HIPK1: variants seen among roughly 807,000 people sequenced by gnomAD.
The protein encoded by HIPK1 is homeodomain-interacting protein kinase 1.
HIPK1 carries 28 observed loss-of-function variants against 117.1 expected under a neutral mutation model. That is an observed-to-expected ratio of 0.24 (90% CI 0.18 to 0.33). The LOEUF (loss-of-function observed/expected upper bound fraction) is 0.33. Among genes scored for constraint, HIPK1 ranks in the 10% least tolerant of loss-of-function variants. HIPK1 has a pLI of 1.00. For missense variants in HIPK1, 1,122 were observed against 1,475.1 expected, an observed-to-expected ratio of 0.76 and a Z score of 3.92; for synonymous variants, 605 against 562.5, an observed-to-expected ratio of 1.08 and a Z score of -1.07.
chr1:113,941,962 C>T lies in HIPK1; in HGVS notation c.1076+503C>T, dbSNP rs566387220. On this transcript the variant is annotated intron_variant, in intron 2 of 15. Coordinates refer to ENST00000426820, the MANE Select transcript of HIPK1 (RefSeq NM_198268.3). The surrounding 1 kb of genome is among the most constrained non-coding windows in gnomAD (Gnocchi z 4.9). Reference sequence around the variant, plus strand: ...ATTTTTAGTAGAGACGGGGTTTCACCGTGTTAGCCAGGATGGTCTCGATAT... The same window carrying T: ...ATTTTTAGTAGAGACGGGGTTTCACTGTGTTAGCCAGGATGGTCTCGATAT... 3.8e-4 allele frequency among the ~76,000 whole-genome samples: 58 copies of T among 151,866 alleles called. No homozygotes were observed. Among genetic ancestry groups the T allele is most frequent in the Middle Eastern group, 3.4e-3 (1 of 290 alleles).
At chr1:113,953,091 TA>T (rs929588776) in intron 3 of HIPK1, among the ~76,000 whole-genome samples, 11 of 152,060 alleles carry the variant, frequency 7.2e-5, no homozygotes, top group South Asian at 2.1e-4. Flanking sequence ...AATTCTATAA[TA>T]AAAAAAAGAA....
chr1:113,958,086 T>G lies in HIPK1; in HGVS notation c.1776T>G (p.Ser592Arg). The G allele has an allele frequency of 6.2e-7, 1 of 1,613,992 alleles. No individual in the cohort carries two copies. Among genetic ancestry groups the G allele is most frequent in the East Asian group, 2.2e-5 (1 of 44,894 alleles). ...VHNQASVLAS[S>R]STAAAATLSL... ...TTTAGGCCAGTGTTCTAGCTTCCAG[T>G]TCTACTGCAGCAGCTGCTACTCTTT... Residue 592 changes from serine to arginine, a missense_variant, in exon 8 of 16, where the codon AGT becomes AGG. By Grantham distance (110) the Ser-to-Arg change is moderately radical. Transcript: ENST00000426820.
At position 113,973,067 on chromosome 1, in the gene HIPK1, G is replaced by A. The variant is rs1378050156; in HGVS notation, c.3188G>A (p.Ser1063Asn). ...SAAPTSQERS[S>N]NPAPRRQQAF... ...GCTCCAACCTCACAGGAGAGAAGCAGCAACCCAGCCCCCCGCAGGCAGCAG... is the reference window on the plus strand; with the variant it reads ...GCTCCAACCTCACAGGAGAGAAGCAACAACCCAGCCCCCCGCAGGCAGCAG... Residue 1063 changes from serine (S) to asparagine (N), a missense_variant, in exon 16 of 16, where the codon AGC (serine) becomes AAC (asparagine). Ser to Asn is a conservative substitution (Grantham distance 46, BLOSUM62 1). Around this residue, in one of 6 missense-constraint regions of HIPK1, gnomAD observed 731 missense variants for 860.4 expected, o/e 0.85. Transcript: ENST00000426820. 6.6e-7 allele frequency: 1 copy of A among 1,524,006 alleles called. No homozygotes were observed. Among genetic ancestry groups the A allele is most frequent in the Non-Finnish European group, 8.8e-7 (1 of 1,137,140 alleles). 94.4% of individuals were successfully genotyped at this position (1,524,006 alleles called of 1,614,324 possible).
rs765803390 is a variant in HIPK1 at position 113,973,111 on chromosome 1, T to C, written c.3232T>C (p.Ser1078Pro). 10 of 1,561,170 alleles carry C rather than the reference T, an allele frequency of 6.4e-6. No individual in the cohort carries two copies. The highest frequency in any genetic ancestry group is 2.3e-5 in the East Asian group (1 of 44,250). Residue 1078 changes from serine (S) to proline (P), a missense_variant, in exon 16 of 16, where the codon TCC becomes CCC. Transcript: ENST00000426820. ...RRQQAFVAPL[S>P]QAPYTFQHGS... ...GCAGCAGGCGTTTGTGGCCCCTCTC[T>C]CCCAAGCCCCCTACACCTTCCAGCA...
chr1:113,940,414 C>T lies in HIPK1; in HGVS notation c.31C>T (p.Pro11Ser), dbSNP rs374754285. 3.1e-5 allele frequency: 50 copies of T among 1,610,208 alleles called. No individual in the cohort carries two copies. The highest frequency in any genetic ancestry group is 3.9e-5 in the Non-Finnish European group (46 of 1,177,806). Residue 11 changes from proline to serine, a missense_variant, in exon 2 of 16, where the codon CCA (proline) becomes TCA (serine). By Grantham distance (74) the Pro-to-Ser change is moderately conservative (BLOSUM62 -1). This residue lies in a region of HIPK1 where 192 missense variants were observed against 234.0 expected (regional missense o/e 0.82). Coordinates refer to ENST00000426820, the MANE Select transcript of HIPK1 (RefSeq NM_198268.3). MASQLQVFSP[P>S]SVSSSAFCSA... ...ATCACAGCTGCAAGTGTTTTCGCCC[C>T]CATCAGTGTCGTCGAGTGCCTTCTG... is the stretch of plus-strand genomic sequence containing the variant.
chr1:113,955,603 A>G lies in HIPK1; in HGVS notation c.1361A>G (p.Lys454Arg). Residue 454 changes from lysine (K) to arginine (R), a missense_variant, in exon 5 of 16, where the codon AAA (lysine) becomes AGA (arginine). Physicochemically the swap from Lys to Arg is conservative, Grantham distance 26. Coordinates refer to ENST00000426820, the MANE Select transcript of HIPK1 (RefSeq NM_198268.3). ...GAACTGGAGACTGGAATAAAATCAA[A>G]AGAAGCTCGGAAGTACATTTTTAAT... ...EHELETGIKS[K>R]EARKYIFNCL... The G allele has an allele frequency of 2.5e-6, 4 of 1,608,954 alleles. No homozygotes were observed. Among genetic ancestry groups the G allele is most frequent in the Non-Finnish European group, 3.4e-6 (4 of 1,175,594 alleles).
intron 9 of HIPK1, among the ~76,000 whole-genome samples, chr1:113,962,725 T>A (rs1672209184): frequency 6.6e-6 from 1 of 151,408 alleles, no homozygotes; most frequent in Non-Finnish European, 1.5e-5. Flanking sequence ...TTTTTTTTTG[T>A]TGTTGTTTGT....
At chr1:113,940,302 G>C in intron 1 of HIPK1, 80 bp from the exon 2 acceptor site, 2 of 1,210,152 alleles carry the variant, frequency 1.7e-6, no homozygotes, top group Non-Finnish European at 2.3e-6. Context: ...GTAAAAGTGT[G>C]TGTGTGTGTT....
chr1:113,959,296 A>G (rs79889224), intron 8 of HIPK1, among the ~76,000 whole-genome samples: 29 of 71,956 alleles, frequency 4.0e-4, no homozygotes, highest in Non-Finnish European at 1.9e-4. Flanking sequence ...AAGAGGGGCT[A>G]GGGGGGTCAG....
intron 11 of HIPK1, among the ~76,000 whole-genome samples, chr1:113,966,834 TTC>T (rs1319172317): frequency 6.6e-6 from 1 of 151,376 alleles, no homozygotes; most frequent in African/African-American, 2.4e-5. Flanking sequence ...GTAGTTCTTA[TTC>T]TTTTTTTTTT....
At chr1:113,938,951 CACACACACACACTT>C (rs1670453267) in intron 1 of HIPK1, among the ~76,000 whole-genome samples, 1 of 137,496 alleles carries the variant, frequency 7.3e-6, no homozygotes, top group East Asian at 2.2e-4. Flanking sequence ...CACACACACA[CACACACACACACTT>C]AGGAGATGGA....
intron 1 of HIPK1, chr1:113,930,051 G>A: frequency 4.1e-6 from 4 of 983,198 alleles, no homozygotes; most frequent in Non-Finnish European, 4.8e-6. Flanking sequence ...CCTGCCGGGG[G>A]CGCCTTCCTC....
intron 8 of HIPK1, among the ~76,000 whole-genome samples, chr1:113,960,076 A>G (rs905654674): frequency 1.3e-5 from 2 of 152,154 alleles, no homozygotes; most frequent in Non-Finnish European, 2.9e-5. Context: ...GCCAGCCATC[A>G]CTAGTTGCTC....
chr1:113,931,217 C>CT (rs1427723532), intron 1 of HIPK1, among the ~76,000 whole-genome samples: 9 of 146,566 alleles, frequency 6.1e-5, no homozygotes, highest in South Asian at 4.2e-4. Flanking sequence ...CTATTACTAG[C>CT]TTTTTTCATA....
intron 10 of HIPK1, among the ~76,000 whole-genome samples, 171 bp downstream of exon 10, chr1:113,963,692 C>G (rs554316026): frequency 1.0e-3 from 152 of 152,244 alleles, no homozygotes; most frequent in Admixed American, 3.3e-3. Context: ...TGGCTGTGTT[C>G]TTGCTACATC....
chr1:113,961,970 T>A lies in HIPK1; in HGVS notation c.1982-347T>A, dbSNP rs925972605. ...AAAAAAAAAAAAAAAAAAAAAAAAA[T>A]GAAAGTGAATTTAATTTACTAAGTG... On this transcript the variant is annotated intron_variant, in intron 8 of 15. Transcript: ENST00000426820. Among the ~76,000 whole-genome samples, 816 of 117,928 alleles carry A rather than the reference T, an allele frequency of 6.9e-3. 1 individual carries two copies. The highest frequency in any genetic ancestry group is 0.017 in the African/African-American group (499 of 30,118). The allele number at this position is 117,928 out of a possible 152,430, so 77.4% of individuals were successfully genotyped here.
At chr1:113,951,383 A>G (rs899356401) in intron 2 of HIPK1, 8 of 577,030 alleles carry the variant, frequency 1.4e-5, no homozygotes, top group Non-Finnish European at 1.7e-5. Flanking sequence ...TAGCTCTGCC[A>G]CTTATTTGAC....
chr1:113,956,787 T>C lies in HIPK1; in HGVS notation c.1568T>C (p.Leu523Pro), dbSNP rs1671755723. Residue 523 changes from leucine to proline, a missense_variant, in exon 6 of 16, where the codon CTT becomes CCT. By Grantham distance (98) the Leu-to-Pro change is moderately conservative. Transcript: ENST00000426820. ...CATCAGTTTGTGACAATGACTCACCTTTTGGATTTTCCACATAGCAATCAG... is the reference window on the plus strand; with the variant it reads ...CATCAGTTTGTGACAATGACTCACCCTTTGGATTTTCCACATAGCAATCAG... ...LNHQFVTMTH[L>P]LDFPHSNHVK... The C allele has an allele frequency of 6.2e-7, 1 of 1,613,898 alleles. No homozygotes were observed.
intron 7 of HIPK1, 71 bp downstream of exon 7, chr1:113,957,357 A>T (rs1398519154): frequency 7.9e-7 from 1 of 1,270,836 alleles, no homozygotes; most frequent in African/African-American, 1.5e-5. Flanking sequence ...AGGGCAAGGT[A>T]AAGAACCAAT....
Sources: allele counts gnomAD v4.1 joint callset (sites outside exome capture counted in the v4.1 genomes callset), GRCh38; gene constraint gnomAD v4.1.1; regional missense constraint gnomAD v4.1.1; non-coding constraint Gnocchi (gnomAD v3.1); transcripts MANE v1.5; gene names NCBI Gene and HGNC (gene_info 2026-07-23, HGNC 2026-07-21).